The following ZNF729 variants were observed in gnomAD, a reference collection of about 807,000 sequenced individuals.
ZNF729 encodes the protein zinc finger protein 729.
A neutral mutation model predicts 12.2 loss-of-function variants in ZNF729; 15 were observed. The ratio of observed to expected loss-of-function variants is 1.23; its 90% CI spans 0.82 to 1.89. ZNF729 has a LOEUF of 1.89. ZNF729 is among the 40% of genes most tolerant of loss of function. The pLI, the probability that ZNF729 is intolerant of heterozygous loss-of-function variation, is 0.00. For synonymous variants in ZNF729, 492 were observed against 476.3 expected, an observed-to-expected ratio of 1.03 and a Z score of -0.43; for missense variants, 1,540 against 1,456.7, an observed-to-expected ratio of 1.06 and a Z score of -0.93.
intron 3 of ZNF729, among the ~76,000 whole-genome samples, chr19:22,306,164 G>A (rs532125726): frequency 6.6e-6 from 1 of 151,932 alleles, no homozygotes; most frequent in South Asian, 2.1e-4. Flanking sequence ...TTTTGCACTG[G>A]GCACAGTGAC....
Position 22,314,289 on chromosome 19 carries a change from C to A in ZNF729, c.872C>A (p.Thr291Asn). The change falls in exon 4 of 4, where the codon ACC becomes AAC. Residue 291 changes from threonine (T) to asparagine (N), a missense_variant. Thr to Asn is a moderately conservative substitution (Grantham distance 65). Coordinates refer to ENST00000601693, the MANE Select transcript of ZNF729 (RefSeq NM_001242680.2). ...AAGAGAATTCATACTGGAGAGAAAA[C>A]CTACAAATGTGAAGAATGTGGCAAA... ...DHKRIHTGEK[T>N]YKCEECGKAF... The A allele has an allele frequency of 1.2e-6, 2 of 1,610,408 alleles. No homozygotes were observed. Among genetic ancestry groups the A allele is most frequent in the Non-Finnish European group, 1.7e-6 (2 of 1,179,046 alleles).
intron 1 of ZNF729, among the ~76,000 whole-genome samples, chr19:22,301,791 C>A (rs1005451927): frequency 1.3e-5 from 2 of 152,310 alleles, no homozygotes; most frequent in African/African-American, 4.8e-5. Flanking sequence ...TAACCAGAGC[C>A]ATGACTACAA....
At chr19:22,307,800 G>GTTT in intron 3 of ZNF729, among the ~76,000 whole-genome samples, 20 of 53,364 alleles carry the variant, frequency 3.7e-4, no homozygotes, top group Admixed American at 4.6e-4. Flanking sequence ...AAAGCTCTGT[G>GTTT]TTTTTTTTTT....
intron 2 of ZNF729, among the ~76,000 whole-genome samples, chr19:22,304,098 G>A (rs1034709696): frequency 6.7e-6 from 1 of 149,944 alleles, no homozygotes; most frequent in African/African-American, 2.5e-5. Flanking sequence ...GAGTGCAGTG[G>A]TGCAATCTCA....
chr19:22,316,433 A>G lies in ZNF729; in HGVS notation c.3016A>G (p.Thr1006Ala), dbSNP rs780507354. Reference protein sequence around the residue: ...ECGKDFNNSSTLKKHKLIHTR... With the variant: ...ECGKDFNNSSALKKHKLIHTR... Reference sequence around the variant, plus strand: ...TGGCAAAGATTTTAACAATTCCTCAACCCTTAAGAAACATAAGCTAATTCA... The same window carrying G: ...TGGCAAAGATTTTAACAATTCCTCAGCCCTTAAGAAACATAAGCTAATTCA... Residue 1006 changes from threonine to alanine, a missense_variant, in exon 4 of 4, where the codon ACC (threonine) becomes GCC (alanine). Thr to Ala is a moderately conservative substitution (Grantham distance 58, BLOSUM62 0). Coordinates refer to ENST00000601693, the MANE Select transcript of ZNF729 (RefSeq NM_001242680.2). 276 of 1,613,468 alleles carry G rather than the reference A, an allele frequency of 1.7e-4. No homozygotes were observed. Among genetic ancestry groups the G allele is most frequent in the Non-Finnish European group, 2.2e-4 (254 of 1,179,702 alleles).
At position 22,314,567 on chromosome 19, in the gene ZNF729, G is replaced by C; in HGVS notation, c.1150G>C (p.Ala384Pro). 6.2e-7 allele frequency: 1 copy of C among 1,611,330 alleles called. No homozygotes were observed. The highest frequency in any genetic ancestry group is 8.5e-7 in the Non-Finnish European group (1 of 1,179,784). The change falls in exon 4 of 4, where the codon GCT (alanine) becomes CCT (proline). Residue 384 changes from alanine to proline, a missense_variant. Ala to Pro is a conservative substitution (Grantham distance 27, BLOSUM62 -1). Transcript: ENST00000601693. The part of the protein sequence containing the change: ...KPYKCEECGK[A>P]FKWSSKLTVH... ...CTACAAATGTGAAGAATGTGGTAAAGCTTTTAAGTGGTCTTCAAAACTTAC... is the reference window on the plus strand; with the variant it reads ...CTACAAATGTGAAGAATGTGGTAAACCTTTTAAGTGGTCTTCAAAACTTAC...
At position 22,314,868 on chromosome 19, in the gene ZNF729, G is replaced by T. The variant is rs1174511136; in HGVS notation, c.1451G>T (p.Gly484Val). 8 of 1,613,218 alleles carry T rather than the reference G, an allele frequency of 5.0e-6. No individual in the cohort carries two copies. The highest frequency in any genetic ancestry group is 6.8e-6 in the Non-Finnish European group (8 of 1,179,808). The change falls in exon 4 of 4, where the codon GGA (glycine) becomes GTA (valine). Residue 484 changes from glycine to valine, a missense_variant. Gly to Val is a moderately radical substitution (Grantham distance 109). Transcript: ENST00000601693. ...HLTRHKAIHTGEKPYKCEECG... is the reference protein window; with the variant it reads ...HLTRHKAIHTVEKPYKCEECG... ...ACTAGACATAAAGCAATTCATACTGGAGAGAAACCCTACAAATGTGAAGAA... is the reference window on the plus strand; with the variant it reads ...ACTAGACATAAAGCAATTCATACTGTAGAGAAACCCTACAAATGTGAAGAA...
At position 22,316,160 on chromosome 19, in the gene ZNF729, A is replaced by G; in HGVS notation, c.2743A>G (p.Lys915Glu). Reference protein sequence around the residue: ...EKPCKCEECGKAFKHFSALRK... With the variant: ...EKPCKCEECGEAFKHFSALRK... ...ACCCTGTAAATGTGAAGAATGTGGC[A>G]AAGCTTTTAAGCATTTCTCAGCCCT... The change falls in exon 4 of 4, where the codon AAA (lysine) becomes GAA (glutamate). Residue 915 changes from lysine (K) to glutamate (E), a missense_variant. Transcript: ENST00000601693. The G allele has an allele frequency of 6.3e-7, 1 of 1,580,508 alleles. No individual in the cohort carries two copies. The highest frequency in any genetic ancestry group is 8.7e-7 in the Non-Finnish European group (1 of 1,154,708).
chr19:22,304,618 A>G lies in ZNF729; in HGVS notation c.158-70A>G, dbSNP rs538640142. On this transcript the variant is annotated intron_variant, in intron 2 of 3. Transcript: ENST00000601693. ...TCAATTTACTAGAATATTCTATTACATTCTCTTTAATGAGCATATTATTTG... is the reference window on the plus strand; with the variant it reads ...TCAATTTACTAGAATATTCTATTACGTTCTCTTTAATGAGCATATTATTTG... The G allele has an allele frequency of 1.3e-5, 17 of 1,302,842 alleles. No individual in the cohort carries two copies. The East Asian group carries it at 4.1e-4, about 31-fold the overall frequency. 80.7% of individuals were successfully genotyped at this position (1,302,842 alleles called of 1,614,324 possible).
Position 22,291,347 on chromosome 19 carries a change from C to G in ZNF729, c.30+4792C>G, listed in dbSNP as rs532563464. Among the ~76,000 whole-genome samples, 22 of 152,142 alleles carry G rather than the reference C, an allele frequency of 1.4e-4. No individual in the cohort carries two copies. In the East Asian group the frequency reaches 2.3e-3, roughly 16 times the overall value. ...AGTAAAAAAGTTCTGATAACAGACC[C>G]CCTTTTTCCACTGCTGCCACCACAG... On this transcript the variant is annotated intron_variant, in intron 1 of 3. Transcript: ENST00000601693.
intron 3 of ZNF729, among the ~76,000 whole-genome samples, chr19:22,306,900 C>T (rs1968384935): frequency 6.6e-6 from 1 of 151,166 alleles, no homozygotes; most frequent in Non-Finnish European, 1.5e-5. Context: ...TTTATGTTAT[C>T]TAGAATCATT....
At chr19:22,310,813 G>A (rs866694849) in intron 3 of ZNF729, among the ~76,000 whole-genome samples, 1 of 152,082 alleles carries the variant, frequency 6.6e-6, no homozygotes, top group Non-Finnish European at 1.5e-5. Context: ...GCTAAATTCT[G>A]TCTGGTCCTA....
At position 22,314,890 on chromosome 19, in the gene ZNF729, AG is replaced by A. The variant is rs1364599606; in HGVS notation, c.1474del (p.Glu492AsnfsTer17). 1 of 1,613,584 alleles carries A rather than the reference AG, an allele frequency of 6.2e-7. No individual in the cohort carries two copies. On this transcript the variant is annotated frameshift_variant, in exon 4 of 4. Coordinates refer to ENST00000601693, the MANE Select transcript of ZNF729 (RefSeq NM_001242680.2). LOFTEE classifies it low-confidence loss of function (END_TRUNC). ...HTGEKPYKCE[E>X]CGKAFNHFSD... ...CTGGAGAGAAACCCTACAAATGTGA[AG>A]AATGTGGCAAAGCTTTTAACCATTT...
chr19:22,286,637 C>A, intron 1 of ZNF729, 82 bp downstream of exon 1: 1 of 1,554,614 alleles, frequency 6.4e-7, no homozygotes, highest in Non-Finnish European at 8.9e-7. Context: ...GGGACTCCGG[C>A]CTCCCCGCAG....
rs1968529229 is a variant in ZNF729, at chr19:22,315,916, T to G, written c.2499T>G (p.Phe833Leu). The change falls in exon 4 of 4, where the codon TTT (phenylalanine) becomes TTG (leucine). Residue 833 changes from phenylalanine to leucine, a missense_variant. Coordinates refer to ENST00000601693, the MANE Select transcript of ZNF729 (RefSeq NM_001242680.2). ...PCKCEECGKA[F>L]KHFSALRKHK... ...AATGTGAAGAATGTGGCAAAGCTTT[T>G]AAGCATTTCTCAGCCCTTAGAAAAC... 2 of 1,610,920 alleles carry G rather than the reference T, an allele frequency of 1.2e-6. No individual in the cohort carries two copies. The highest frequency in any genetic ancestry group is 1.7e-6 in the Non-Finnish European group (2 of 1,179,628).
In ZNF729 at chr19:22,293,103, T is replaced by C. The variant is rs1158816876; in HGVS notation, c.30+6548T>C. On this transcript the variant is annotated intron_variant, in intron 1 of 3. Transcript: ENST00000601693. ...GGTTGTGGTTTTTTCTTTGCATTTCTCTAGTGATGAGTATTTTTTTCATAT... is the reference window on the plus strand; with the variant it reads ...GGTTGTGGTTTTTTCTTTGCATTTCCCTAGTGATGAGTATTTTTTTCATAT... 5.9e-5 allele frequency among the ~76,000 whole-genome samples: 9 copies of C among 152,364 alleles called. No individual in the cohort carries two copies. The East Asian group carries it at 1.7e-3, about 29-fold the overall frequency.
intron 1 of ZNF729, among the ~76,000 whole-genome samples, chr19:22,291,231 A>G (rs890909668): frequency 3.3e-5 from 5 of 152,062 alleles, no homozygotes; most frequent in Non-Finnish European, 7.4e-5. Flanking sequence ...TGGGAATGGG[A>G]GGCTCTGCTT....
At chr19:22,287,186 G>C (rs990048019) in intron 1 of ZNF729, among the ~76,000 whole-genome samples, 5 of 151,506 alleles carry the variant, frequency 3.3e-5, no homozygotes, top group African/African-American at 1.2e-4. Context: ...GAGGTTAATT[G>C]TAGTTTATAG....
rs1348811913 is a variant in ZNF729 at position 22,315,397 on chromosome 19, ATGTG to A, written c.1981_1984del (p.Cys661AlafsTer15). ...GAGAGAAACCTTACAAATGTGAAGA[ATGTG>A]GCAAAGCTTTTAGCCATTTCTCAGC... On this transcript the variant is annotated frameshift_variant, in exon 4 of 4. Coordinates refer to ENST00000601693, the MANE Select transcript of ZNF729 (RefSeq NM_001242680.2). LOFTEE classifies it low-confidence loss of function (END_TRUNC). The A allele has an allele frequency of 6.2e-7, 1 of 1,613,444 alleles. No individual in the cohort carries two copies. The highest frequency in any genetic ancestry group is 1.3e-5 in the African/African-American group (1 of 74,928).
Sources: gnomAD v4.1 joint callset for allele counts (sites outside exome capture counted in the v4.1 genomes callset) on GRCh38, gnomAD v4.1.1 for gene constraint, MANE v1.5 for transcripts, NCBI Gene and HGNC (gene_info 2026-07-23, HGNC 2026-07-21) for gene names.